Variants in SMUG1 observed in about 807,000 individuals in gnomAD.
SMUG1 encodes the protein single-strand selective monofunctional uracil DNA glycosylase.
Under a neutral mutation model 23.9 loss-of-function variants are expected in SMUG1, and 13 were observed. The observed-to-expected ratio is 0.54, with a 90% CI of 0.35 to 0.86. The LOEUF (loss-of-function observed/expected upper bound fraction) is 0.86. Ranked by LOEUF, SMUG1 falls within the 40% of genes least tolerant of loss-of-function variation. The pLI is 0.01. For missense variants in SMUG1, 313 were observed against 339.5 expected (o/e 0.92, Z 0.61); for synonymous variants, 133 against 139.8 (o/e 0.95, Z 0.34).
At chr12:54,170,821 T>G (rs780718374) in intron 3 of SMUG1, among the ~76,000 whole-genome samples, 18 of 152,150 alleles carry the variant, frequency 1.2e-4, no homozygotes, top group Non-Finnish European at 2.2e-4. Flanking sequence ...GGTCTCGAAG[T>G]CCTGGGCTCA....
Position 54,183,705 on chromosome 12 carries a change from A to G in SMUG1, c.236T>C (p.Val79Ala), listed in dbSNP as rs749449891. The G allele has an allele frequency of 3.7e-6, 6 of 1,611,328 alleles. No homozygotes were observed. The highest frequency in any genetic ancestry group is 4.2e-6 in the Non-Finnish European group (5 of 1,177,674). The change falls in exon 3 of 4, where the codon GTA (valine) becomes GCA (alanine). Residue 79 changes from valine to alanine, a missense_variant. Transcript: ENST00000682136. ...TCCAGGGTTCATGCCCAGGAAGAGT[A>G]CTTCCTTGGGGCCCTGGCAGTAGCG... ...VTRYCQGPKE[V>A]LFLGMNPGPF...
At chr12:54,188,295 A>AATAAT (rs869289712) in intron 1 of SMUG1, among the ~76,000 whole-genome samples, 73 of 68,888 alleles carry the variant, frequency 1.1e-3, no homozygotes, top group African/African-American at 3.2e-3. Flanking sequence ...TAATAATAAT[A>AATAAT]AATAATAATA....
chr12:54,177,042 G>A (rs548359990), downstream of SMUG1, among the ~76,000 whole-genome samples: 1 of 152,184 alleles, frequency 6.6e-6, no homozygotes, highest in Non-Finnish European at 1.5e-5. Context: ...AGTGTTTCTG[G>A]ATGGCACACG....
chr12:54,172,326 T>A, intron 2 of SMUG1: 1 of 298,448 alleles, frequency 3.4e-6, no homozygotes, highest in Non-Finnish European at 7.1e-6. Flanking sequence ...CCAGACATGC[T>A]CACATGAGGG....
downstream of SMUG1, among the ~76,000 whole-genome samples, chr12:54,179,439 T>A (rs1940833560): frequency 6.6e-6 from 1 of 152,182 alleles, no homozygotes; most frequent in South Asian, 2.1e-4. Flanking sequence ...CAGCTAAATA[T>A]ATAATGAAAT....
intron 3 of SMUG1, among the ~76,000 whole-genome samples, chr12:54,170,090 C>T (rs1940577265): frequency 6.6e-6 from 1 of 151,772 alleles, no homozygotes; most frequent in Non-Finnish European, 1.5e-5. Flanking sequence ...CCCAGCTACT[C>T]GGGAGGCTGG....
chr12:54,175,839 GA>G (rs924611533), downstream of SMUG1, among the ~76,000 whole-genome samples: 3 of 152,198 alleles, frequency 2.0e-5, no homozygotes, highest in Non-Finnish European at 4.4e-5. Flanking sequence ...TTATTGAATT[GA>G]AAAAGGAAAG....
chr12:54,178,364 C>A (rs1940804581), downstream of SMUG1, among the ~76,000 whole-genome samples: 1 of 152,174 alleles, frequency 6.6e-6, no homozygotes. Context: ...AGCGACTCTG[C>A]CATACCCAGG....
At position 54,187,533 on chromosome 12, in the gene SMUG1, A is replaced by T. The variant is rs546380973; in HGVS notation, c.-20+286T>A. On this transcript the variant is annotated intron_variant, in intron 2 of 3. Transcript: ENST00000682136. ...GCTGCTCCAGCTCTAGAATCTCGAG[A>T]AGTCTTGAGCCCACCTTTGACATTT... is the stretch of plus-strand genomic sequence containing the variant. Among the ~76,000 whole-genome samples the T allele has an allele frequency of 5.3e-5, 8 of 152,316 alleles. No homozygotes were observed. The South Asian group carries it at 1.7e-3, about 32-fold the overall frequency.
intron 2 of SMUG1, among the ~76,000 whole-genome samples, chr12:54,184,597 A>G (rs1941895201): frequency 6.6e-6 from 1 of 152,232 alleles, no homozygotes; most frequent in African/African-American, 2.4e-5. Context: ...TCTTACAGTT[A>G]GTAAGTAATA....
At chr12:54,173,887 G>A (rs550075120) in intron 2 of SMUG1, among the ~76,000 whole-genome samples, 3 of 151,622 alleles carry the variant, frequency 2.0e-5, no homozygotes, top group Admixed American at 6.6e-5. Context: ...CAAACACAGA[G>A]GCTACACAAA....
At position 54,181,566 on chromosome 12, in the gene SMUG1, A is replaced by G. The variant is rs1245073712; in HGVS notation, c.*530T>C. ...GGTCTTCTGACTTGCACTCTGTCACACTGGATTTTTCCTCTGATCCAGCTG... is the reference window on the plus strand; with the variant it reads ...GGTCTTCTGACTTGCACTCTGTCACGCTGGATTTTTCCTCTGATCCAGCTG... On this transcript the variant is annotated 3_prime_UTR_variant, in exon 4 of 4. Transcript: ENST00000682136. 3 of 1,554,320 alleles carry G rather than the reference A, an allele frequency of 1.9e-6. No homozygotes were observed. Among genetic ancestry groups the G allele is most frequent in the African/African-American group, 2.7e-5 (2 of 73,908 alleles).
At chr12:54,168,482 T>C (rs1436024739) in intron 3 of SMUG1, 1 of 152,184 alleles carries the variant, frequency 6.6e-6, no homozygotes, top group African/African-American at 2.4e-5. Flanking sequence ...TACATTAAAG[T>C]TTGAAAGCAA....
intron 2 of SMUG1, chr12:54,184,273 A>G (rs1358385941): frequency 4.3e-6 from 1 of 233,818 alleles, no homozygotes; most frequent in Non-Finnish European, 8.2e-6. Context: ...GGCTATGCCG[A>G]GCACATAGTA....
chr12:54,185,500 ATAAATAAATAAATAAATAAAT>A (rs1565833120), intron 2 of SMUG1, among the ~76,000 whole-genome samples: 7,948 of 99,578 alleles, frequency 0.08, 2,247 homozygotes, highest in Non-Finnish European at 0.1. Context: ...AAATAAATAA[ATAAATAAATAAATAAATAAAT>A]AAATAAATTT....
chr12:54,184,814 G>C (rs184122642), intron 2 of SMUG1, among the ~76,000 whole-genome samples: 1 of 152,320 alleles, frequency 6.6e-6, no homozygotes, highest in Non-Finnish European at 1.5e-5. Flanking sequence ...ACCATGGCCA[G>C]AGCCTCAGGT....
At chr12:54,163,578 C>T (rs765976584), downstream of SMUG1, among the ~76,000 whole-genome samples, 58 of 152,178 alleles carry the variant, frequency 3.8e-4, no homozygotes, top group Middle Eastern at 3.4e-3. Flanking sequence ...AAGCTGGGGG[C>T]GCCAAGATGA....
downstream of SMUG1, among the ~76,000 whole-genome samples, chr12:54,179,239 G>A (rs1940827268): frequency 6.6e-6 from 1 of 152,138 alleles, no homozygotes; most frequent in African/African-American, 2.4e-5. Flanking sequence ...GTGATCGTGT[G>A]AGTCAATTAT....
chr12:54,170,591 C>T (rs1023929753), intron 3 of SMUG1, among the ~76,000 whole-genome samples: 11 of 151,928 alleles, frequency 7.2e-5, no homozygotes, highest in Admixed American at 2.0e-4. Flanking sequence ...ACCTCCACAA[C>T]TTTTTTTAGT....
Sources: gnomAD v4.1 joint callset for allele counts (sites outside exome capture counted in the v4.1 genomes callset) on GRCh38, gnomAD v4.1.1 for gene constraint, MANE v1.5 for transcripts, NCBI Gene and HGNC (gene_info 2026-07-23, HGNC 2026-07-21) for gene names.